Variants in ABCC11 observed in about 807,000 individuals in gnomAD.
ABCC11 encodes ATP-binding cassette sub-family C member 11.
A neutral mutation model predicts 149.3 loss-of-function variants in ABCC11; 135 were observed. The observed-to-expected ratio is 0.90, with a 90% confidence interval of 0.79 to 1.04. The LOEUF (loss-of-function observed/expected upper bound fraction) is 1.04, where lower values mean the gene tolerates loss of function less well. Ranked by LOEUF, ABCC11 falls within the 50% of genes least tolerant of loss-of-function variation. ABCC11 has a pLI of 0.00. For synonymous variants in ABCC11, 665 were observed against 671.4 expected (o/e 0.99, Z 0.15); for missense variants, 1,680 against 1,722.1 (o/e 0.98, Z 0.43).
Position 48,170,785 on chromosome 16 carries a change from C to T in ABCC11, c.3777+104G>A, listed in dbSNP as rs114402735. ...TCCATGAGATGATGCATCCATGACC[C>T]GAAGCAGCAGCAGCTGGAACACCAC... is the stretch of plus-strand genomic sequence containing the variant. On this transcript the variant is annotated intron_variant, in intron 27 of 29. Transcript: ENST00000356608. The T allele has an allele frequency of 4.1e-3, 4,450 of 1,087,914 alleles. 144 individuals are homozygous for T. In the African/African-American group the frequency reaches 0.063, roughly 15 times the overall value. The allele number at this position is 1,087,914 out of a possible 1,614,324, so 67.4% of individuals were successfully genotyped here. A position where few individuals can be genotyped will look rare whatever the true frequency, so the allele number is the denominator to read the frequency against.
Position 48,184,629 on chromosome 16 carries a change from G to C in ABCC11, c.3072-3C>G. The C allele has an allele frequency of 6.2e-7, 1 of 1,613,370 alleles. No individual in the cohort carries two copies. Among genetic ancestry groups the C allele is most frequent in the Non-Finnish European group, 8.5e-7 (1 of 1,179,506 alleles). On this transcript the variant is annotated splice_polypyrimidine_tract_variant and splice_region_variant and intron_variant, in intron 22 of 29. Transcript: ENST00000356608. ...GCGCATCAGTCAGCCTCTTAAACCTGAGAAGGAAAGCACAGACTAAGAACC... is the reference window on the plus strand; with the variant it reads ...GCGCATCAGTCAGCCTCTTAAACCTCAGAAGGAAAGCACAGACTAAGAACC...
chr16:48,236,391 C>T (rs1792043176), intron 1 of ABCC11, among the ~76,000 whole-genome samples: 1 of 152,178 alleles, frequency 6.6e-6, no homozygotes, highest in Admixed American at 6.5e-5. Flanking sequence ...CTCTCCATAC[C>T]ACCTTCTGCA....
chr16:48,244,133 A>G (rs960814926), intron 1 of ABCC11: 3 of 414,926 alleles, frequency 7.2e-6, no homozygotes, highest in Non-Finnish European at 1.3e-5. Context: ...TTCCAAATAT[A>G]CTCTGTAAGT....
intron 10 of ABCC11, among the ~76,000 whole-genome samples, chr16:48,212,906 T>C (rs1381432391): frequency 1.3e-5 from 2 of 152,092 alleles, no homozygotes; most frequent in Non-Finnish European, 2.9e-5. Flanking sequence ...AAATGGTAAG[T>C]AAAATGCAGC....
intron 3 of ABCC11, among the ~76,000 whole-genome samples, chr16:48,228,591 C>T (rs1970232131): frequency 1.4e-5 from 2 of 148,002 alleles, no homozygotes; most frequent in Non-Finnish European, 1.5e-5. Context: ...CGCACGACTC[C>T]GTCTCAAAAG....
At position 48,224,290 on chromosome 16, in the gene ABCC11, G is replaced by C; in HGVS notation, c.535C>G (p.Leu179Val). 6.2e-7 allele frequency: 1 copy of C among 1,614,112 alleles called. No individual in the cohort carries two copies. The highest frequency in any genetic ancestry group is 8.5e-7 in the Non-Finnish European group (1 of 1,180,000). Residue 179 changes from leucine to valine, a missense_variant, in exon 5 of 30, where the codon CTC (leucine) becomes GTC (valine). Coordinates refer to ENST00000356608, the MANE Select transcript of ABCC11 (RefSeq NM_001370497.1). ...CCAAGTCTGCCACTTACTGGCCCGA[G>C]TACACTGGCAATGCAGAAGCAGATG... is the stretch of plus-strand genomic sequence containing the variant. ...LGICFCIASV[L>V]GPILIIPKIL...
In ABCC11 at chr16:48,198,198, C is replaced by A. The variant is rs1967618559; in HGVS notation, c.2160G>T (p.Met720Ile). The A allele has an allele frequency of 1.2e-6, 2 of 1,614,094 alleles. No homozygotes were observed. Among genetic ancestry groups the A allele is most frequent in the African/African-American group, 1.3e-5 (1 of 74,934 alleles). Residue 720 changes from methionine to isoleucine, a missense_variant, in exon 16 of 30, where the codon ATG becomes ATT. Met to Ile is a conservative substitution (Grantham distance 10). Transcript: ENST00000356608. ...GTTGGGCATATTTCCCCTTTTTCTG[C>A]ATTAACTCACTGTGAGTTCCATTTT... The part of the protein sequence containing the change: ...ICENGTHSEL[M>I]QKKGKYAQLI...
intron 14 of ABCC11, 111 bp from the exon 15 acceptor site, chr16:48,200,590 T>G: frequency 9.4e-7 from 1 of 1,067,074 alleles, no homozygotes; most frequent in Non-Finnish European, 1.3e-6. Context: ...GACCAAGATA[T>G]GCACACACTC....
chr16:48,227,674 A>T, intron 4 of ABCC11, 132 bp downstream of exon 4: 1 of 1,144,978 alleles, frequency 8.7e-7, no homozygotes. Flanking sequence ...ACCTAGTATG[A>T]GGCCTCTTCC....
At chr16:48,201,624 T>C (rs1967991114) in intron 14 of ABCC11, among the ~76,000 whole-genome samples, 1 of 152,090 alleles carries the variant, frequency 6.6e-6, no homozygotes, top group African/African-American at 2.4e-5. Context: ...TTAATCTCCA[T>C]TGACAGCACC....
intron 1 of ABCC11, among the ~76,000 whole-genome samples, chr16:48,241,685 A>G (rs1451224679): frequency 6.6e-6 from 1 of 152,236 alleles, no homozygotes; most frequent in East Asian, 1.9e-4. Flanking sequence ...TGGTACTGGT[A>G]CCAAAACAGA....
In ABCC11 at chr16:48,167,317, A is replaced by G. The variant is rs969871843; in HGVS notation, c.4106T>C (p.Leu1369Ser). Residue 1369 changes from leucine (L) to serine (S), a missense_variant, in exon 30 of 30, where the codon TTG (leucine) becomes TCG (serine). Physicochemically the swap from Leu to Ser is moderately radical, Grantham distance 145 (BLOSUM62 -2). Transcript: ENST00000356608. The part of the protein sequence containing the change: ...PEVLRKKPGS[L>S]FAALMATATS... ...GGCTGTGGCCATGAGGGCTGCGAAC[A>G]ATGACCCAGGCTTCTTCCGCAGTAC... The G allele has an allele frequency of 1.0e-6, 1 of 963,168 alleles. No homozygotes were observed. The highest frequency in any genetic ancestry group is 1.7e-6 in the Non-Finnish European group (1 of 585,050). 59.7% of individuals were successfully genotyped at this position (963,168 alleles called of 1,614,324 possible). A position where few individuals can be genotyped will look rare whatever the true frequency, so the allele number is the denominator to read the frequency against.
intron 18 of ABCC11, 115 bp downstream of exon 18, chr16:48,196,117 A>G: frequency 9.7e-7 from 1 of 1,031,410 alleles, no homozygotes; most frequent in Non-Finnish European, 1.4e-6. Flanking sequence ...GCCAATAAAT[A>G]CCATGGCTCC....
intron 13 of ABCC11, among the ~76,000 whole-genome samples, chr16:48,204,320 G>A (rs1968251294): frequency 6.6e-6 from 1 of 152,202 alleles, no homozygotes; most frequent in Non-Finnish European, 1.5e-5. Flanking sequence ...ACGCGGGGTG[G>A]AACAGAGCAG....
chr16:48,228,315 T>C (rs1310542418), intron 3 of ABCC11, among the ~76,000 whole-genome samples: 2 of 151,960 alleles, frequency 1.3e-5, no homozygotes, highest in Non-Finnish European at 2.9e-5. Context: ...CAGTATTGGC[T>C]GGGCCCAGTG....
chr16:48,191,542 C>T (rs562281933), intron 20 of ABCC11, among the ~76,000 whole-genome samples: 11 of 152,316 alleles, frequency 7.2e-5, no homozygotes, highest in African/African-American at 2.6e-4. Flanking sequence ...ACTCTCTGTA[C>T]TTTCATCTCA....
At chr16:48,221,231 T>G (rs1969715700) in intron 6 of ABCC11, among the ~76,000 whole-genome samples, 1 of 152,128 alleles carries the variant, frequency 6.6e-6, no homozygotes, top group Non-Finnish European at 1.5e-5. Context: ...GGGGTTGGCT[T>G]AAAGGAAAGG....
chr16:48,219,419 A>G (rs536375944), intron 6 of ABCC11, among the ~76,000 whole-genome samples: 2 of 152,116 alleles, frequency 1.3e-5, no homozygotes, highest in Admixed American at 1.3e-4. Flanking sequence ...GATTCATCCA[A>G]CTCGGCATCC....
intron 23 of ABCC11, among the ~76,000 whole-genome samples, 198 bp from the exon 24 acceptor site, chr16:48,178,884 A>G (rs1346875344): frequency 1.3e-5 from 2 of 152,266 alleles, no homozygotes; most frequent in East Asian, 3.9e-4. Context: ...GCGATGGGCA[A>G]TTCTGGGGGA....
Sources: allele counts gnomAD v4.1 joint callset (sites outside exome capture counted in the v4.1 genomes callset), GRCh38; gene constraint gnomAD v4.1.1; transcripts MANE v1.5; gene names NCBI Gene and HGNC (gene_info 2026-07-23, HGNC 2026-07-21).